RMND1: variants seen among roughly 807,000 people sequenced by gnomAD.
RMND1 encodes the protein required for meiotic nuclear division 1 homolog.
RMND1 carries 41 observed loss-of-function variants against 54.0 expected under a neutral mutation model. The ratio of observed to expected loss-of-function variants is 0.76; its 90% CI spans 0.59 to 0.98. The LOEUF is 0.98. Among genes scored for constraint, RMND1 ranks in the 50% least tolerant of loss-of-function variants. The pLI is 0.00. For missense variants in RMND1, 457 were observed against 532.0 expected, an observed-to-expected ratio of 0.86 and a Z score of 1.39; for synonymous variants, 183 against 181.7, an observed-to-expected ratio of 1.01 and a Z score of -0.06.
At chr6:151,438,072 G>A (rs1037628227) in intron 2 of RMND1, among the ~76,000 whole-genome samples, 50 of 152,290 alleles carry the variant, frequency 3.3e-4, no homozygotes, top group Non-Finnish European at 5.4e-4. Flanking sequence ...GTAGGAACAC[G>A]GGGATATACA....
rs1265990571 is a variant in RMND1 at position 151,448,903 on chromosome 6, C to T, written c.-14-3078G>A. 4.6e-5 allele frequency among the ~76,000 whole-genome samples: 7 copies of T among 151,900 alleles called. No homozygotes were observed. In the East Asian group the frequency reaches 1.2e-3, roughly 25 times the overall value. On this transcript the variant is annotated intron_variant, in intron 1 of 11. Coordinates refer to ENST00000444024, the MANE Select transcript of RMND1 (RefSeq NM_017909.4). ...ACCAGCCTGGCCAACACGGCGAAAC[C>T]CCGTGTCTACTAAAAATACAAAAAT...
At chr6:151,450,725 G>C (rs1425703988) in intron 1 of RMND1, among the ~76,000 whole-genome samples, 4 of 152,018 alleles carry the variant, frequency 2.6e-5, no homozygotes, top group Non-Finnish European at 5.9e-5. Flanking sequence ...TTGAGAACGG[G>C]ACGGGATGAC....
chr6:151,448,277 C>T (rs1034810961), intron 1 of RMND1, among the ~76,000 whole-genome samples: 1 of 152,014 alleles, frequency 6.6e-6, no homozygotes, highest in African/African-American at 2.4e-5. Context: ...CTTTGCATCT[C>T]ACTCCTTCTA....
At chr6:151,429,978 T>C (rs540707097) in intron 5 of RMND1, among the ~76,000 whole-genome samples, 160 bp downstream of exon 5, 9 of 152,298 alleles carry the variant, frequency 5.9e-5, no homozygotes, top group East Asian at 3.9e-4. Flanking sequence ...CAAAATACAA[T>C]ATATTTTGGA....
intron 2 of RMND1, among the ~76,000 whole-genome samples, chr6:151,437,664 G>T (rs569495179): frequency 6.6e-6 from 1 of 152,272 alleles, no homozygotes; most frequent in African/African-American, 2.4e-5. Context: ...ACTCCTCTCA[G>T]CTCCCCAATT....
chr6:151,413,035 G>T (rs555295485), intron 10 of RMND1, among the ~76,000 whole-genome samples: 5 of 152,312 alleles, frequency 3.3e-5, no homozygotes, highest in Non-Finnish European at 5.9e-5. Context: ...GCCATGTTGT[G>T]AGATGCTCTA....
chr6:151,449,551 A>G (rs1238287432), intron 1 of RMND1, among the ~76,000 whole-genome samples: 1 of 151,396 alleles, frequency 6.6e-6, no homozygotes, highest in Non-Finnish European at 1.5e-5. Flanking sequence ...TCACACCCTC[A>G]CCTCCTTCAG....
chr6:151,436,394 A>G (rs764146357), intron 3 of RMND1, 52 bp downstream of exon 3: 2 of 1,606,582 alleles, frequency 1.2e-6, no homozygotes, highest in South Asian at 2.2e-5. Context: ...TATCATAGGA[A>G]AATTATCCAA....
At chr6:151,409,481 TG>T (rs1321017567) in intron 10 of RMND1, among the ~76,000 whole-genome samples, 2 of 151,810 alleles carry the variant, frequency 1.3e-5, no homozygotes, top group Non-Finnish European at 2.9e-5. Flanking sequence ...TTTTCTGGGG[TG>T]GGGGGGAATT....
intron 6 of RMND1, among the ~76,000 whole-genome samples, chr6:151,424,188 C>T (rs747418816): frequency 2.0e-5 from 3 of 147,846 alleles, no homozygotes; most frequent in South Asian, 2.4e-4. Context: ...TGGCTGGGCA[C>T]GGTGGCTCAC....
intron 2 of RMND1, among the ~76,000 whole-genome samples, chr6:151,440,002 G>A (rs1780730036): frequency 6.6e-6 from 1 of 152,026 alleles, no homozygotes; most frequent in Admixed American, 6.5e-5. Context: ...TGTCGCCCAG[G>A]CGTGAGGGCA....
At chr6:151,441,039 C>A (rs1780763533) in intron 2 of RMND1, among the ~76,000 whole-genome samples, 1 of 152,124 alleles carries the variant, frequency 6.6e-6, no homozygotes, top group Admixed American at 6.5e-5. Context: ...TTTTCTACTT[C>A]AAAATGTTTT....
intron 2 of RMND1, among the ~76,000 whole-genome samples, chr6:151,437,573 A>G (rs1262706098): frequency 6.6e-6 from 1 of 152,220 alleles, no homozygotes; most frequent in Non-Finnish European, 1.5e-5. Context: ...TGTGGCTAAC[A>G]CAACTGTTCA....
Position 151,450,760 on chromosome 6 carries a change from G to A in RMND1, c.-15+1256C>T, listed in dbSNP as rs554457947. ...CAATGGCGGTTTTGTGTAATAGAAA[G>A]GGGGGAAAGGGGGGGAAAAGATTGA... is the stretch of plus-strand genomic sequence containing the variant. On this transcript the variant is annotated intron_variant, in intron 1 of 11. Transcript: ENST00000444024. Among the ~76,000 whole-genome samples, 586 of 139,418 alleles carry A rather than the reference G, an allele frequency of 4.2e-3. 6 individuals carry two copies. Among genetic ancestry groups the A allele is most frequent in the Middle Eastern group, 0.014 (4 of 282 alleles). 91.5% of individuals were successfully genotyped at this position (139,418 alleles called of 152,430 possible).
chr6:151,407,702 T>G (rs1472270659), intron 10 of RMND1, among the ~76,000 whole-genome samples: 2 of 151,894 alleles, frequency 1.3e-5, no homozygotes, highest in African/African-American at 4.8e-5. Flanking sequence ...GGTCAGGAGA[T>G]CAAGACCATC....
At position 151,445,388 on chromosome 6, in the gene RMND1, G is replaced by A. The variant is rs1169934777; in HGVS notation, c.424C>T (p.Pro142Ser). 1.2e-6 allele frequency: 2 copies of A among 1,613,942 alleles called. No homozygotes were observed. The highest frequency in any genetic ancestry group is 2.2e-5 in the East Asian group (1 of 44,886). The change falls in exon 2 of 12, where the codon CCA becomes TCA. Residue 142 changes from proline to serine, a missense_variant. Coordinates refer to ENST00000444024, the MANE Select transcript of RMND1 (RefSeq NM_017909.4). ...TETFVPKQDF[P>S]QVKRPLKASR... is the part of the protein sequence containing the mutation. Reference sequence around the variant, plus strand: ...GCTTTTAGTGGTCTCTTCACCTGTGGGAAGTCTTGTTTTGGAACAAATGTT... The same window carrying A: ...GCTTTTAGTGGTCTCTTCACCTGTGAGAAGTCTTGTTTTGGAACAAATGTT...
chr6:151,411,513 C>G (rs1207890338), intron 10 of RMND1: 1 of 152,148 alleles, frequency 6.6e-6, no homozygotes, highest in Admixed American at 6.5e-5. Flanking sequence ...GCTTGGGCAG[C>G]CTGCTTGTTC....
At chr6:151,427,961 A>G (rs967706803) in intron 5 of RMND1, among the ~76,000 whole-genome samples, 6 of 152,040 alleles carry the variant, frequency 3.9e-5, no homozygotes, top group African/African-American at 1.4e-4. Flanking sequence ...GCAACGTGGC[A>G]AAATCCTGTC....
rs202031550 is a variant in RMND1, at chr6:151,405,277, G to C, written c.1318-10C>G. On this transcript the variant is annotated splice_polypyrimidine_tract_variant and intron_variant, in intron 11 of 11. Transcript: ENST00000444024. ...CCAGCTCAAACATTACCTTAGAATA[G>C]AAAGTGAGAATTATTTCATGACGGG... 6.2e-6 allele frequency: 10 copies of C among 1,611,410 alleles called. No individual in the cohort carries two copies. The highest frequency in any genetic ancestry group is 2.7e-5 in the African/African-American group (2 of 74,832).
Sources: gnomAD v4.1 joint callset for allele counts (sites outside exome capture counted in the v4.1 genomes callset) on GRCh38, gnomAD v4.1.1 for gene constraint, MANE v1.5 for transcripts, NCBI Gene and HGNC (gene_info 2026-07-23, HGNC 2026-07-21) for gene names.